ATG13: variants seen among roughly 807,000 people sequenced by gnomAD.
ATG13 encodes the protein autophagy related 13.
A neutral mutation model predicts 65.5 loss-of-function variants in ATG13; 23 were observed. That is an observed-to-expected ratio of 0.35 (90% CI 0.25 to 0.50). ATG13 has a LOEUF of 0.50. Ranked by LOEUF, ATG13 falls within the 20% of genes least tolerant of loss-of-function variation. The pLI, the probability that ATG13 is intolerant of heterozygous loss-of-function variation, is 0.98. For synonymous variants in ATG13, 252 were observed against 245.2 expected (o/e 1.03, Z -0.26); for missense variants, 566 against 677.0 (o/e 0.84, Z 1.82).
At chr11:46,636,506 C>CGA (rs1367226587) in intron 2 of ATG13, among the ~76,000 whole-genome samples, 4 of 137,560 alleles carry the variant, frequency 2.9e-5, no homozygotes, top group Non-Finnish European at 6.0e-5. Context: ...TGCAGTGAGC[C>CGA]GAGATCATGC....
At chr11:46,664,768 G>T in intron 12 of ATG13, 81 bp from the exon 13 acceptor site, 1 of 1,275,078 alleles carries the variant, frequency 7.8e-7, no homozygotes. Context: ...TCTCTACTGA[G>T]CCATCTTGTT....
At chr11:46,651,217 C>A (rs534997390) in intron 7 of ATG13, among the ~76,000 whole-genome samples, 2 of 152,122 alleles carry the variant, frequency 1.3e-5, no homozygotes, top group South Asian at 4.2e-4. Flanking sequence ...TTTTAAAAAG[C>A]AGGATTTGAA....
chr11:46,630,568 C>T (rs1476979031), intron 2 of ATG13, among the ~76,000 whole-genome samples: 36 of 120,706 alleles, frequency 3.0e-4, no homozygotes, highest in African/African-American at 7.0e-4. Context: ...AAATTAGAGG[C>T]TTTTTTTTTT....
In ATG13 at chr11:46,645,906, C is replaced by A; in HGVS notation, c.187C>A (p.His63Asn). The change falls in exon 5 of 19, where the codon CAT becomes AAT. Residue 63 changes from histidine (H) to asparagine (N), a missense_variant. Coordinates refer to ENST00000683050, the MANE Select transcript of ATG13 (RefSeq NM_001346311.2). ...LAIKDIPEVT[H>N]EAKKALAGQL... ...AATCAAAGACATCCCAGAGGTTACA[C>A]ATGAAGCAAAGAAGGCACTGGCAGG... 6.2e-7 allele frequency: 1 copy of A among 1,614,208 alleles called. No homozygotes were observed. Among genetic ancestry groups the A allele is most frequent in the South Asian group, 1.1e-5 (1 of 91,086 alleles).
At chr11:46,654,280 ATT>A (rs200330792) in intron 7 of ATG13, among the ~76,000 whole-genome samples, 1,727 of 97,492 alleles carry the variant, frequency 0.018, 85 homozygotes, top group African/African-American at 0.074. Flanking sequence ...TATTTTTAAA[ATT>A]TTATATATAT....
At chr11:46,635,182 T>C in intron 2 of ATG13, among the ~76,000 whole-genome samples, 1 of 151,974 alleles carries the variant, frequency 6.6e-6, no homozygotes. Context: ...AATTTTTGTA[T>C]TTTTAGTAGA....
intron 4 of ATG13, 140 bp from the exon 5 acceptor site, chr11:46,645,730 C>T: frequency 8.1e-7 from 1 of 1,236,916 alleles, no homozygotes; most frequent in Non-Finnish European, 1.1e-6. Context: ...GCAGGATTAT[C>T]CCTTATGGGG....
chr11:46,637,633 C>T (rs917738303), intron 2 of ATG13, among the ~76,000 whole-genome samples: 4 of 152,080 alleles, frequency 2.6e-5, no homozygotes, highest in Non-Finnish European at 4.4e-5. Context: ...CCTCAGCTTC[C>T]CAAAGTGCAT....
chr11:46,657,595 C>G lies in ATG13; in HGVS notation c.668C>G (p.Ser223Cys). Residue 223 changes from serine (S) to cysteine (C), a missense_variant, in exon 10 of 19, where the codon TCC becomes TGC. Physicochemically the swap from Ser to Cys is moderately radical, Grantham distance 112. Around this residue, in one of 2 missense-constraint regions of ATG13, gnomAD observed 387 missense variants for 409.8 expected, o/e 0.94. Coordinates refer to ENST00000683050, the MANE Select transcript of ATG13 (RefSeq NM_001346311.2). ...TTTGTGGACCGTCCCTATCCCAGCTCCTCTCCCATGCACCCCTGCAATTAC... is the reference window on the plus strand; with the variant it reads ...TTTGTGGACCGTCCCTATCCCAGCTGCTCTCCCATGCACCCCTGCAATTAC... Reference protein sequence around the residue: ...DHFVDRPYPSSSPMHPCNYRT... With the variant: ...DHFVDRPYPSCSPMHPCNYRT... 1 of 1,610,412 alleles carries G rather than the reference C, an allele frequency of 6.2e-7. No homozygotes were observed. The highest frequency in any genetic ancestry group is 1.3e-5 in the African/African-American group (1 of 74,952).
Position 46,669,419 on chromosome 11 carries a change from A to G in ATG13, c.1462A>G (p.Lys488Glu), listed in dbSNP as rs759922475. ...VMIDFKPAFS[K>E]DDILPMDLGT... ...GTTTTTGAAGAAACCAGCTTTTTCT[A>G]AAGATGACATTCTTCCGATGGACCT... The change falls in exon 18 of 19, where the codon AAA becomes GAA. Residue 488 changes from lysine to glutamate, a missense_variant. Transcript: ENST00000683050. The G allele has an allele frequency of 6.2e-7, 1 of 1,614,106 alleles. No individual in the cohort carries two copies. The highest frequency in any genetic ancestry group is 1.1e-5 in the South Asian group (1 of 91,082).
At chr11:46,660,114 C>T (rs1203237126) in intron 11 of ATG13, 1 of 152,280 alleles carries the variant, frequency 6.6e-6, no homozygotes, top group Non-Finnish European at 1.5e-5. Context: ...TTTGGCTAAA[C>T]AGTCATTTTT....
At chr11:46,633,279 C>A (rs1483652143) in intron 2 of ATG13, among the ~76,000 whole-genome samples, 1 of 151,134 alleles carries the variant, frequency 6.6e-6, no homozygotes, top group African/African-American at 2.4e-5. Context: ...CCTCACCCTC[C>A]CAAAGTGCTG....
At chr11:46,669,570 T>C (rs982834708) in intron 18 of ATG13, 38 bp downstream of exon 18, 7 of 1,608,130 alleles carry the variant, frequency 4.4e-6, no homozygotes, top group Non-Finnish European at 4.3e-6. Context: ...TGCATCCTTA[T>C]TTGATGGTCA....
In ATG13 at chr11:46,674,440, A is replaced by G. The variant is rs893472048; in HGVS notation, c.*2108A>G. ...CCCTCCTCCTCCTCCAACCTCTCCA[A>G]CCTACTTTGTTTGGAAATACCGAGC... On this transcript the variant is annotated 3_prime_UTR_variant, in exon 19 of 19. Transcript: ENST00000683050. 2 of 151,364 alleles carry G rather than the reference A, an allele frequency of 1.3e-5. No individual in the cohort carries two copies. The highest frequency in any genetic ancestry group is 2.4e-5 in the African/African-American group (1 of 41,068). 9.4% of individuals were successfully genotyped at this position (151,364 alleles called of 1,614,324 possible).
chr11:46,667,191 T>G (rs1241820250), intron 14 of ATG13, among the ~76,000 whole-genome samples: 1 of 152,100 alleles, frequency 6.6e-6, no homozygotes, highest in East Asian at 1.9e-4. Flanking sequence ...GACTGCACAA[T>G]CCTCCTGCCC....
chr11:46,623,132 C>CA (rs59376067), intron 1 of ATG13, among the ~76,000 whole-genome samples: 2,246 of 142,822 alleles, frequency 0.016, 20 homozygotes, highest in Non-Finnish European at 0.021. Context: ...ACTAAAAATA[C>CA]AAAAAAAAAA....
In ATG13 at chr11:46,650,225, A is replaced by T; in HGVS notation, c.366A>T (p.Ser122=). 3 of 1,614,150 alleles carry T rather than the reference A, an allele frequency of 1.9e-6. No homozygotes were observed. Among genetic ancestry groups the T allele is most frequent in the Non-Finnish European group, 2.5e-6 (3 of 1,180,018 alleles). ...CCTACACGGTGTACAACAGACTGTCATTGCTGCTGAAGTCCCTTCTTGCTA... is the reference window on the plus strand; with the variant it reads ...CCTACACGGTGTACAACAGACTGTCTTTGCTGCTGAAGTCCCTTCTTGCTA... ...KVSYTVYNRL[S]LLLKSLLAIT... The change falls in exon 7 of 19, where the codon TCA becomes TCT. Residue 122 remains serine, a synonymous_variant. Coordinates refer to ENST00000683050, the MANE Select transcript of ATG13 (RefSeq NM_001346311.2).
intron 18 of ATG13, 122 bp from the exon 19 acceptor site, chr11:46,672,133 T>G: frequency 4.0e-6 from 6 of 1,497,622 alleles, no homozygotes; most frequent in Non-Finnish European, 5.5e-6. Context: ...GTTCTCCCAC[T>G]TGCTCGGCCC....
chr11:46,647,147 CT>C (rs1170037713), intron 5 of ATG13, among the ~76,000 whole-genome samples: 2 of 152,208 alleles, frequency 1.3e-5, no homozygotes, highest in African/African-American at 4.8e-5. Flanking sequence ...GCTCTAGAAA[CT>C]TTCCCCCTTT....
Sources: gnomAD v4.1 joint callset for allele counts (sites outside exome capture counted in the v4.1 genomes callset) on GRCh38, gnomAD v4.1.1 for gene constraint, gnomAD v4.1.1 regional missense constraint, MANE v1.5 for transcripts, NCBI Gene and HGNC (gene_info 2026-07-23, HGNC 2026-07-21) for gene names.